NAPA: variants seen among roughly 807,000 people sequenced by gnomAD.
The protein encoded by NAPA is alpha-soluble NSF attachment protein.
A neutral mutation model predicts 48.0 loss-of-function variants in NAPA; 18 were observed. The observed-to-expected ratio is 0.38, with a 90% CI of 0.26 to 0.56. The LOEUF (loss-of-function observed/expected upper bound fraction) is 0.56, where lower values mean the gene tolerates loss of function less well. Ranked by LOEUF, NAPA falls within the 20% of genes least tolerant of loss-of-function variation. The pLI is 0.77. For synonymous variants in NAPA, 152 were observed against 149.9 expected, an observed-to-expected ratio of 1.01 and a Z score of -0.10; for missense variants, 315 against 385.0, an observed-to-expected ratio of 0.82 and a Z score of 1.52.
At position 47,493,763 on chromosome 19, in the gene NAPA, G is replaced by A. The variant is rs1968344787; in HGVS notation, c.343-270C>T. On this transcript the variant is annotated intron_variant, in intron 4 of 10. Coordinates refer to ENST00000263354, the MANE Select transcript of NAPA (RefSeq NM_003827.4). The surrounding 1 kb of genome is among the most constrained non-coding windows in gnomAD (Gnocchi z 6.4). ...CTTAGCCTAATTCCATCCCATCCAC[G>A]AGGGCACAGATGGTGTGACACCAGA... The A allele has an allele frequency of 1.3e-5, 6 of 468,434 alleles. No homozygotes were observed. In the South Asian group the frequency reaches 1.3e-4, roughly 10 times the overall value. 29.0% of individuals were successfully genotyped at this position (468,434 alleles called of 1,614,324 possible). A position where few individuals can be genotyped will look rare whatever the true frequency, so the allele number is the denominator to read the frequency against.
chr19:47,495,387 C>G (rs1214112191), intron 4 of NAPA, 163 bp downstream of exon 4: 1 of 764,360 alleles, frequency 1.3e-6, no homozygotes. Context: ...CCCAGCCAGC[C>G]CAGGCCAGCT....
chr19:47,488,685 T>C (rs963654110), intron 10 of NAPA: 8 of 178,924 alleles, frequency 4.5e-5, no homozygotes, highest in African/African-American at 4.8e-5. Flanking sequence ...TTTGGGAGGC[T>C]GAGGCGGGCG....
intron 3 of NAPA, among the ~76,000 whole-genome samples, chr19:47,500,321 C>CGGCA (rs1235686366): frequency 1.3e-5 from 2 of 152,162 alleles, no homozygotes; most frequent in African/African-American, 2.4e-5. Context: ...CCTCTCTCCC[C>CGGCA]GGCAGGCGGT....
At chr19:47,486,462 G>A (rs536737322), downstream of NAPA, among the ~76,000 whole-genome samples, 66 of 152,192 alleles carry the variant, frequency 4.3e-4, no homozygotes, top group Non-Finnish European at 7.6e-4. Flanking sequence ...GCACCATCAT[G>A]CCTAATTTTT....
At chr19:47,491,020 C>T (rs963680713) in intron 8 of NAPA, 164 bp from the exon 9 acceptor site, 2 of 574,208 alleles carry the variant, frequency 3.5e-6, no homozygotes, top group African/African-American at 1.9e-5. Flanking sequence ...TCAGTACCTT[C>T]CCGTAGCTGA....
At position 47,498,808 on chromosome 19, in the gene NAPA, G is replaced by A. The variant is rs77240620; in HGVS notation, c.295+1825C>T. On this transcript the variant is annotated intron_variant, in intron 3 of 10. Coordinates refer to ENST00000263354, the MANE Select transcript of NAPA (RefSeq NM_003827.4). ...TGCCCCACTGGGAGTCATGGCTGGC[G>A]TGCGTATCTTTAGGCTGTAGCTCTG... Among the ~76,000 whole-genome samples the A allele has an allele frequency of 1.8e-4, 27 of 152,284 alleles. No individual in the cohort carries two copies. The East Asian group carries it at 4.8e-3, about 27-fold the overall frequency.
At chr19:47,490,968 C>T in intron 8 of NAPA, 112 bp from the exon 9 acceptor site, 1 of 843,670 alleles carries the variant, frequency 1.2e-6, no homozygotes, top group Non-Finnish European at 1.9e-6. Flanking sequence ...TCAGCTCTTG[C>T]ACCCCTCCCC....
At chr19:47,513,069 C>T (rs957118174) in intron 1 of NAPA, among the ~76,000 whole-genome samples, 25 of 152,190 alleles carry the variant, frequency 1.6e-4, no homozygotes, top group Non-Finnish European at 2.5e-4. Context: ...CTCTCAGTTT[C>T]CACAACCTCC....
intron 10 of NAPA, chr19:47,489,448 C>T: frequency 1.8e-6 from 1 of 545,240 alleles, no homozygotes; most frequent in East Asian, 3.0e-5. Context: ...TGGCTCTGAA[C>T]ACCAGCTCTG....
Position 47,508,410 on chromosome 19 carries a change from A to G in NAPA, c.99-4908T>C, listed in dbSNP as rs1223412471. ...TGGGCCTTGCCTGACCAAGCAGAGT[A>G]TGAGTTCCTGCAGGGCGGGGCCTGA... On this transcript the variant is annotated intron_variant, in intron 1 of 10. Coordinates refer to ENST00000263354, the MANE Select transcript of NAPA (RefSeq NM_003827.4). Among the ~76,000 whole-genome samples, 5 of 152,358 alleles carry G rather than the reference A, an allele frequency of 3.3e-5. No individual in the cohort carries two copies. In the East Asian group the frequency reaches 9.7e-4, roughly 29 times the overall value.
intron 1 of NAPA, chr19:47,512,715 A>G (rs1479501973): frequency 6.6e-6 from 1 of 151,432 alleles, no homozygotes; most frequent in Non-Finnish European, 1.5e-5. Context: ...TTTTTCACCT[A>G]ATCAATCCAG....
At chr19:47,503,144 A>G (rs866759305) in intron 2 of NAPA, among the ~76,000 whole-genome samples, 20 of 152,236 alleles carry the variant, frequency 1.3e-4, no homozygotes, top group African/African-American at 4.8e-4. Flanking sequence ...TTCTGAATTT[A>G]AGGAGGACTC....
chr19:47,514,740 T>A (rs1420078912), intron 1 of NAPA, 103 bp downstream of exon 1: 16 of 1,098,558 alleles, frequency 1.5e-5, no homozygotes, highest in Non-Finnish European at 2.0e-5. Context: ...TTCCTCTCCG[T>A]CCCCTCGGCC....
In NAPA at chr19:47,487,981, G is replaced by A. The variant is rs947025095; in HGVS notation, c.*307C>T. ...GGCCAGATGCTGACCCCAAATCCCC[G>A]GCAGCACCCCTAGCAAATAGGTCTG... On this transcript the variant is annotated 3_prime_UTR_variant, in exon 11 of 11. Coordinates refer to ENST00000263354, the MANE Select transcript of NAPA (RefSeq NM_003827.4). The A allele has an allele frequency of 1.4e-5, 3 of 215,174 alleles. No homozygotes were observed. The highest frequency in any genetic ancestry group is 4.6e-5 in the African/African-American group (2 of 43,602). The allele number at this position is 215,174 out of a possible 1,614,324, so 13.3% of individuals were successfully genotyped here.
chr19:47,511,446 A>G (rs1402188990), intron 1 of NAPA, among the ~76,000 whole-genome samples: 2 of 152,170 alleles, frequency 1.3e-5, no homozygotes, highest in Non-Finnish European at 2.9e-5. Flanking sequence ...GCTGGAAGGA[A>G]CTGAGATGAA....
intron 1 of NAPA, among the ~76,000 whole-genome samples, chr19:47,512,157 C>T (rs1301427203): frequency 6.6e-6 from 1 of 152,164 alleles, no homozygotes; most frequent in Non-Finnish European, 1.5e-5. Flanking sequence ...TTCATCCCCC[C>T]AGGGTTGGGG....
chr19:47,490,781 C>T lies in NAPA; in HGVS notation c.735+7G>A. On this transcript the variant is annotated splice_region_variant and intron_variant, in intron 9 of 10. Coordinates refer to ENST00000263354, the MANE Select transcript of NAPA (RefSeq NM_003827.4). ...GGAAGGGGGAGGCCGGAGCACCCAG[C>T]ACTTACTTTCATCAACTTGCATTCC... is the stretch of plus-strand genomic sequence containing the variant. 1.9e-6 allele frequency: 3 copies of T among 1,613,198 alleles called. No individual in the cohort carries two copies. The highest frequency in any genetic ancestry group is 2.5e-6 in the Non-Finnish European group (3 of 1,179,614).
At chr19:47,495,473 G>T in intron 4 of NAPA, 77 bp downstream of exon 4, 1 of 1,445,402 alleles carries the variant, frequency 6.9e-7, no homozygotes, top group Non-Finnish European at 9.7e-7. Context: ...CAGTGCTGGG[G>T]GTGCTGAAAG....
intron 1 of NAPA, among the ~76,000 whole-genome samples, chr19:47,510,543 T>A (rs1409206352): frequency 6.6e-6 from 1 of 152,196 alleles, no homozygotes; most frequent in Non-Finnish European, 1.5e-5. Context: ...ACAGTTACCA[T>A]GATTTTCATT....
Sources: allele counts gnomAD v4.1 joint callset (sites outside exome capture counted in the v4.1 genomes callset), GRCh38; gene constraint gnomAD v4.1.1; non-coding constraint Gnocchi (gnomAD v3.1); transcripts MANE v1.5; gene names NCBI Gene and HGNC (gene_info 2026-07-23, HGNC 2026-07-21).